The following SLC13A3 variants were observed in gnomAD, a reference collection of about 807,000 sequenced individuals.
SLC13A3 encodes solute carrier family 13 member 3.
In SLC13A3, 40 loss-of-function variants were observed where a neutral mutation model predicts 59.0. The observed-to-expected ratio is 0.68, with a 90% CI of 0.53 to 0.88. SLC13A3 has a LOEUF of 0.88. SLC13A3 is among the 40% of genes least tolerant of loss of function. The pLI is 0.00. For missense variants in SLC13A3, 699 were observed against 783.2 expected (o/e 0.89, Z 1.28); for synonymous variants, 317 against 330.3 (o/e 0.96, Z 0.44).
At chr20:46,674,899 G>A (rs982482825), upstream of SLC13A3, among the ~76,000 whole-genome samples, 1 of 152,124 alleles carries the variant, frequency 6.6e-6, no homozygotes, top group African/African-American at 2.4e-5. Context: ...GGGGGGCCAT[G>A]ATGCGCTTGA....
In SLC13A3 at chr20:46,583,719, C is replaced by G. The variant is rs777709085; in HGVS notation, c.1122-50G>C. On this transcript the variant is annotated intron_variant, in intron 8 of 12. Transcript: ENST00000279027. ...CGTGACCATGGGCATCTCAGCGGGC[C>G]GAGGTTTGGCAGAATTGTAAAGGAG... The G allele has an allele frequency of 1.4e-5, 23 of 1,608,022 alleles. No homozygotes were observed. In the South Asian group the frequency reaches 2.3e-4, roughly 16 times the overall value.
At chr20:46,573,314 G>A (rs998533805) in intron 10 of SLC13A3, among the ~76,000 whole-genome samples, 1 of 152,150 alleles carries the variant, frequency 6.6e-6, no homozygotes. Context: ...TGCACCTGGG[G>A]CAGCTTGTGT....
Position 46,660,672 on chromosome 20 carries a change from T to A in SLC13A3, c.-31+9371A>T, listed in dbSNP as rs182184095. ...TGAGCTGCTTGGATCTGTGCATTGA[T>A]GTCTTTCATCAATTTTGGTATATTT... On this transcript the variant is annotated intron_variant, in intron 1 of 12. Coordinates refer to the SLC13A3 transcript ENST00000290317. Among the ~76,000 whole-genome samples the A allele has an allele frequency of 1.9e-3, 295 of 152,328 alleles. 1 individual carries two copies. The highest frequency in any genetic ancestry group is 6.7e-3 in the African/African-American group (280 of 41,572).
chr20:46,614,806 G>A (rs760576723), intron 1 of SLC13A3, among the ~76,000 whole-genome samples: 1 of 152,186 alleles, frequency 6.6e-6, no homozygotes, highest in Non-Finnish European at 1.5e-5. Flanking sequence ...TCATACAAGT[G>A]CCCTGCTGCT....
intron 12 of SLC13A3, 43 bp from the exon 13 acceptor site, chr20:46,560,241 C>CCT: frequency 6.3e-7 from 1 of 1,582,632 alleles, no homozygotes; most frequent in Non-Finnish European, 8.7e-7. Context: ...GCACCTGACC[C>CCT]ACCATACAGA....
At chr20:46,574,197 T>C (rs2146094909) in intron 10 of SLC13A3, among the ~76,000 whole-genome samples, 1 of 152,278 alleles carries the variant, frequency 6.6e-6, no homozygotes, top group East Asian at 1.9e-4. Flanking sequence ...CTTCAAACAA[T>C]GGCTGGCATG....
At chr20:46,644,302 C>T (rs1328344039) in intron 1 of SLC13A3, among the ~76,000 whole-genome samples, 2 of 152,164 alleles carry the variant, frequency 1.3e-5, no homozygotes, top group East Asian at 3.9e-4. Context: ...GTGCCTCAAA[C>T]ATATGAACCC....
intron 9 of SLC13A3, among the ~76,000 whole-genome samples, chr20:46,579,745 C>G (rs1319006107): frequency 6.6e-6 from 1 of 152,220 alleles, no homozygotes; most frequent in South Asian, 2.1e-4. Flanking sequence ...TGTTTTTCAA[C>G]TTGAATGAGT....
rs532451707 is a variant in SLC13A3, at chr20:46,607,671, C to T, written c.541+2775G>A. 3.3e-5 allele frequency among the ~76,000 whole-genome samples: 5 copies of T among 152,286 alleles called. No homozygotes were observed. In the South Asian group the frequency reaches 1.0e-3, roughly 32 times the overall value. On this transcript the variant is annotated intron_variant, in intron 3 of 12. Transcript: ENST00000279027. ...TCCCCTTCCTGAGTCTCAGATTTTT[C>T]ATTCTCACAATGAGGGACTTGGCTT...
upstream of SLC13A3, among the ~76,000 whole-genome samples, chr20:46,655,811 GTATATACTA>G (rs2062982145): frequency 7.1e-6 from 1 of 140,106 alleles, no homozygotes; most frequent in Admixed American, 7.4e-5. Context: ...ATATAATACT[GTATATACTA>G]TATATACTAT....
At chr20:46,631,189 G>A (rs2122812251) in intron 1 of SLC13A3, among the ~76,000 whole-genome samples, 1 of 152,114 alleles carries the variant, frequency 6.6e-6, no homozygotes, top group East Asian at 1.9e-4. Context: ...ACTGGTGGAG[G>A]GTGCTCCTGG....
At chr20:46,668,352 A>C (rs551008246) in intron 1 of SLC13A3, among the ~76,000 whole-genome samples, 32 of 152,372 alleles carry the variant, frequency 2.1e-4, no homozygotes, top group Admixed American at 1.8e-3. Context: ...ATAAGAAAGC[A>C]AAACAGCCTT....
intron 1 of SLC13A3, among the ~76,000 whole-genome samples, chr20:46,648,113 A>G (rs1451186192): frequency 6.6e-6 from 1 of 152,182 alleles, no homozygotes; most frequent in Admixed American, 6.5e-5. Flanking sequence ...TCTCACAGGG[A>G]GTGACTGGTG....
chr20:46,588,263 G>A (rs887251936), intron 7 of SLC13A3, 100 bp from the exon 8 acceptor site: 20 of 656,216 alleles, frequency 3.0e-5, no homozygotes, highest in Non-Finnish European at 4.4e-5. Context: ...GACTGGGCCC[G>A]GGCTCTGCCT....
At chr20:46,583,992 T>C in intron 8 of SLC13A3, 1 of 985,354 alleles carries the variant, frequency 1.0e-6, no homozygotes, top group Non-Finnish European at 1.2e-6. Context: ...GGAACCCCTA[T>C]AAATCACCCT....
chr20:46,638,804 T>A (rs1182609458), intron 1 of SLC13A3, among the ~76,000 whole-genome samples: 1 of 152,192 alleles, frequency 6.6e-6, no homozygotes, highest in African/African-American at 2.4e-5. Flanking sequence ...ATTTGGGGCC[T>A]GAGGATTCTC....
chr20:46,609,813 C>G (rs2062474669), intron 3 of SLC13A3, among the ~76,000 whole-genome samples: 2 of 152,220 alleles, frequency 1.3e-5, no homozygotes, highest in South Asian at 4.1e-4. Flanking sequence ...ACTTCCCACA[C>G]CACAGAGAGC....
At chr20:46,661,883 C>A (rs957430174) in intron 1 of SLC13A3, among the ~76,000 whole-genome samples, 4 of 152,162 alleles carry the variant, frequency 2.6e-5, no homozygotes, top group African/African-American at 9.7e-5. Flanking sequence ...TTAAGAGAGG[C>A]CCCTTGCTTT....
intron 1 of SLC13A3, among the ~76,000 whole-genome samples, chr20:46,646,320 C>A (rs2062893820): frequency 6.6e-6 from 1 of 152,194 alleles, no homozygotes; most frequent in Non-Finnish European, 1.5e-5. Flanking sequence ...GCCTCACTTT[C>A]CTCATCTCTA....
Sources: allele counts gnomAD v4.1 joint callset (sites outside exome capture counted in the v4.1 genomes callset), GRCh38; gene constraint gnomAD v4.1.1; transcripts MANE v1.5; gene names NCBI Gene and HGNC (gene_info 2026-07-23, HGNC 2026-07-21).